TXN2: variants seen among roughly 807,000 people sequenced by gnomAD.
TXN2 encodes the protein thioredoxin 2, also known as thioredoxin, mitochondrial.
A neutral mutation model predicts 14.6 loss-of-function variants in TXN2; 12 were observed. The observed-to-expected ratio is 0.82, with a 90% CI of 0.53 to 1.33. TXN2 has a LOEUF of 1.33. TXN2 is among the 40% of genes most tolerant of loss of function. The probability of loss-of-function intolerance (pLI) is 0.00; values close to 1 mark genes in which losing one functional copy is unlikely to be tolerated. For missense variants in TXN2, 173 were observed against 207.7 expected, an observed-to-expected ratio of 0.83 and a Z score of 1.03; for synonymous variants, 89 against 81.0, an observed-to-expected ratio of 1.10 and a Z score of -0.53.
At position 36,467,642 on chromosome 22, in the gene TXN2, G is replaced by T. The variant is rs1198763545; in HGVS notation, c.*162C>A. On this transcript the variant is annotated 3_prime_UTR_variant, in exon 4 of 4. Coordinates refer to ENST00000216185, the MANE Select transcript of TXN2 (RefSeq NM_012473.4). ...GCACCACCATCCTCTGATGGCCCCT[G>T]GGCAGTCCGCCAGCTCGGAAGCACT... 1.4e-5 allele frequency: 9 copies of T among 643,382 alleles called. No individual in the cohort carries two copies. Among genetic ancestry groups the T allele is most frequent in the Non-Finnish European group, 2.5e-5 (9 of 359,946 alleles). 39.9% of individuals were successfully genotyped at this position (643,382 alleles called of 1,614,324 possible).
chr22:36,469,600 G>A (rs1355984515), intron 3 of TXN2, among the ~76,000 whole-genome samples: 3 of 152,200 alleles, frequency 2.0e-5, no homozygotes, highest in Non-Finnish European at 4.4e-5. Context: ...CTGGCATTGT[G>A]AGGTCTCTGC....
intron 3 of TXN2, among the ~76,000 whole-genome samples, chr22:36,473,357 C>T (rs1415031945): frequency 2.0e-5 from 3 of 152,148 alleles, no homozygotes; most frequent in Non-Finnish European, 4.4e-5. Flanking sequence ...GCAGGAGAAT[C>T]GCTTGAACCT....
At chr22:36,477,817 C>G (rs1268538839) in intron 2 of TXN2, among the ~76,000 whole-genome samples, 4 of 152,110 alleles carry the variant, frequency 2.6e-5, no homozygotes, top group African/African-American at 9.7e-5. Flanking sequence ...CAGCTGGGAT[C>G]GATCACAACC....
intron 2 of TXN2, among the ~76,000 whole-genome samples, 156 bp from the exon 3 acceptor site, chr22:36,477,012 G>T (rs1933400588): frequency 6.6e-6 from 1 of 152,168 alleles, no homozygotes; most frequent in African/African-American, 2.4e-5. Context: ...AATGCCAGGA[G>T]ATTCTGCACA....
At chr22:36,471,902 G>C (rs1933284962) in intron 3 of TXN2, among the ~76,000 whole-genome samples, 1 of 151,908 alleles carries the variant, frequency 6.6e-6, no homozygotes. Flanking sequence ...TGCGGGAGAT[G>C]GAGGTCGCAG....
intron 3 of TXN2, among the ~76,000 whole-genome samples, chr22:36,473,392 G>A (rs189792645): frequency 1.2e-4 from 18 of 152,270 alleles, no homozygotes; most frequent in African/African-American, 3.6e-4. Context: ...GCAGTGAACC[G>A]AGATCGTGCC....
chr22:36,481,593 A>G lies in TXN2; in HGVS notation c.-30T>C. ...CTGCAATGCGAGCGGAGGGATGCACAGCCTAGCCCTCCCTGCCTGTCAAGG... is the reference window on the plus strand; with the variant it reads ...CTGCAATGCGAGCGGAGGGATGCACGGCCTAGCCCTCCCTGCCTGTCAAGG... On this transcript the variant is annotated 5_prime_UTR_variant, in exon 1 of 4. Coordinates refer to ENST00000216185, the MANE Select transcript of TXN2 (RefSeq NM_012473.4). 1 of 999,470 alleles carries G rather than the reference A, an allele frequency of 1.0e-6. No homozygotes were observed. Among genetic ancestry groups the G allele is most frequent in the Middle Eastern group, 5.2e-4 (1 of 1,918 alleles). The allele number at this position is 999,470 out of a possible 1,614,324, so 61.9% of individuals were successfully genotyped here. A position where few individuals can be genotyped will look rare whatever the true frequency, so the allele number is the denominator to read the frequency against.
chr22:36,480,185 C>G (rs541515468), intron 2 of TXN2, among the ~76,000 whole-genome samples: 1 of 152,310 alleles, frequency 6.6e-6, no homozygotes, highest in Non-Finnish European at 1.5e-5. Flanking sequence ...ACCCGGCCGA[C>G]ACTGATAACT....
intron 2 of TXN2, among the ~76,000 whole-genome samples, chr22:36,479,923 C>T (rs1933464385): frequency 6.7e-6 from 1 of 149,536 alleles, no homozygotes; most frequent in Non-Finnish European, 1.5e-5. Context: ...ACTCTTTTTG[C>T]CCAGGCTGGA....
At chr22:36,469,630 G>C (rs1420947371) in intron 3 of TXN2, among the ~76,000 whole-genome samples, 1 of 152,156 alleles carries the variant, frequency 6.6e-6, no homozygotes, top group Non-Finnish European at 1.5e-5. Context: ...TCCCTGCCTG[G>C]CATTCGTGGG....
Position 36,467,783 on chromosome 22 carries a change from A to T in TXN2, c.*21T>A, listed in dbSNP as rs375913105. The T allele has an allele frequency of 1.5e-5, 24 of 1,599,280 alleles. No individual in the cohort carries two copies. Among genetic ancestry groups the T allele is most frequent in the Non-Finnish European group, 1.8e-5 (21 of 1,167,808 alleles). On this transcript the variant is annotated 3_prime_UTR_variant, in exon 4 of 4. Transcript: ENST00000216185. ...ATTGGGGTCCCACGCGGGCAAGGGAACCAGGACTCATCCCTGCTTGTCAGC... is the reference window on the plus strand; with the variant it reads ...ATTGGGGTCCCACGCGGGCAAGGGATCCAGGACTCATCCCTGCTTGTCAGC...
At chr22:36,471,908 C>T (rs1372762510) in intron 3 of TXN2, among the ~76,000 whole-genome samples, 21 of 150,098 alleles carry the variant, frequency 1.4e-4, no homozygotes, top group Admixed American at 1.0e-3. Context: ...AGATGGAGGT[C>T]GCAGTGAGCC....
rs1181750701 is a variant in TXN2 at position 36,467,225 on chromosome 22, T to TG, written c.*578dup. ...ACCCCCTGCCTGGGAGGCAGCTCCC[T>TG]GGGGGGTGGGAATGGGTGACTAGAG... On this transcript the variant is annotated 3_prime_UTR_variant, in exon 4 of 4. Transcript: ENST00000216185. 6.5e-6 allele frequency: 1 copy of TG among 152,728 alleles called. No homozygotes were observed. The allele number at this position is 152,728 out of a possible 1,614,324, so 9.5% of individuals were successfully genotyped here.
intron 2 of TXN2, among the ~76,000 whole-genome samples, chr22:36,477,274 C>T (rs1260783964): frequency 6.6e-6 from 1 of 152,166 alleles, no homozygotes; most frequent in Non-Finnish European, 1.5e-5. Context: ...GTGGCGCGAT[C>T]TCGGCTCACT....
intron 3 of TXN2, among the ~76,000 whole-genome samples, chr22:36,471,254 T>C (rs919595300): frequency 3.3e-5 from 5 of 152,208 alleles, no homozygotes; most frequent in African/African-American, 4.8e-5. Context: ...GCCTGTCCTG[T>C]TCCGTGAAGC....
intron 3 of TXN2, among the ~76,000 whole-genome samples, chr22:36,471,566 G>C (rs945445678): frequency 6.6e-6 from 1 of 152,192 alleles, no homozygotes; most frequent in Non-Finnish European, 1.5e-5. Flanking sequence ...TTTCGTGTCA[G>C]GAATGATATA....
At chr22:36,474,065 G>T (rs529599958) in intron 3 of TXN2, among the ~76,000 whole-genome samples, 3 of 152,330 alleles carry the variant, frequency 2.0e-5, no homozygotes, top group African/African-American at 7.2e-5. Context: ...ACCTGTGGGA[G>T]GCCCTAGGAG....
intron 1 of TXN2, chr22:36,481,205 C>T (rs886263874): frequency 1.2e-5 from 2 of 168,248 alleles, no homozygotes; most frequent in Non-Finnish European, 2.5e-5. Context: ...ACTGCCCACA[C>T]TGCGAGTAAG....
At position 36,481,550 on chromosome 22, in the gene TXN2, C is replaced by T. The variant is rs568608939; in HGVS notation, c.-1+14G>A. 2 of 999,382 alleles carry T rather than the reference C, an allele frequency of 2.0e-6. No homozygotes were observed. The highest frequency in any genetic ancestry group is 3.5e-5 in the African/African-American group (2 of 57,172). 61.9% of individuals were successfully genotyped at this position (999,382 alleles called of 1,614,324 possible). On this transcript the variant is annotated intron_variant, in intron 1 of 3. Transcript: ENST00000216185. ...CCGCGACACCACCTCGAGCCACCCC[C>T]ACAGGGCTCCTACCTCCCTGCAATG...
Sources: gnomAD v4.1 joint callset for allele counts (sites outside exome capture counted in the v4.1 genomes callset) on GRCh38, gnomAD v4.1.1 for gene constraint, MANE v1.5 for transcripts, NCBI Gene and HGNC (gene_info 2026-07-23, HGNC 2026-07-21) for gene names.